Variants in TMEM132D observed in about 807,000 individuals in gnomAD.
The protein encoded by TMEM132D is transmembrane protein 132D, also known as mature OL transmembrane protein.
In TMEM132D, 21 loss-of-function variants were observed where a neutral mutation model predicts 62.3. The observed-to-expected ratio is 0.34, with a 90% confidence interval of 0.24 to 0.49. The LOEUF (loss-of-function observed/expected upper bound fraction) is 0.49, where lower values mean the gene tolerates loss of function less well. TMEM132D is among the 20% of genes least tolerant of loss of function. The pLI is 0.99. For missense variants in TMEM132D, 1,346 were observed against 1,402.8 expected, an observed-to-expected ratio of 0.96 and a Z score of 0.65; for synonymous variants, 621 against 575.6, an observed-to-expected ratio of 1.08 and a Z score of -1.13.
At chr12:129,761,102 G>T (rs1337987488) in intron 1 of TMEM132D, among the ~76,000 whole-genome samples, 1 of 152,068 alleles carries the variant, frequency 6.6e-6, no homozygotes, top group African/African-American at 2.4e-5. Context: ...GAACTGGAGA[G>T]ATCAGAAATG....
intron 3 of TMEM132D, among the ~76,000 whole-genome samples, chr12:129,366,558 C>T (rs1448552976): frequency 1.3e-5 from 2 of 152,212 alleles, no homozygotes; most frequent in African/African-American, 4.8e-5. Flanking sequence ...AATTAAACCT[C>T]TTTTCTGTAT....
At chr12:129,398,595 T>A (rs1239541829) in intron 3 of TMEM132D, among the ~76,000 whole-genome samples, 1 of 152,312 alleles carries the variant, frequency 6.6e-6, no homozygotes, top group Non-Finnish European at 1.5e-5. Flanking sequence ...GGGTTGGCTA[T>A]GCATGATGAG....
At chr12:129,084,445 A>T in intron 6 of TMEM132D, 52 bp downstream of exon 6, 1 of 1,522,218 alleles carries the variant, frequency 6.6e-7, no homozygotes, top group Non-Finnish European at 8.8e-7. Flanking sequence ...CAAATTTACC[A>T]CCCCGTACAC....
intron 4 of TMEM132D, among the ~76,000 whole-genome samples, chr12:129,298,426 G>A (rs1272931672): frequency 6.6e-6 from 1 of 152,116 alleles, no homozygotes; most frequent in Non-Finnish European, 1.5e-5. Flanking sequence ...GAGTGTTTAA[G>A]CATATCCATC....
rs11833486 is a variant in TMEM132D, at chr12:129,719,235, G to A, written c.80-18537C>T. The stretch of plus-strand genomic sequence containing the variant: ...GATCGCACGACTACACTACAGCCTG[G>A]GTGACAGAGTGAGACCCTGTCTCAA... On this transcript the variant is annotated intron_variant, in intron 1 of 8. Coordinates refer to ENST00000422113, the MANE Select transcript of TMEM132D (RefSeq NM_133448.3). Among the ~76,000 whole-genome samples the A allele has an allele frequency of 6.1e-3, 927 of 152,114 alleles. 9 individuals are homozygous for A. Among genetic ancestry groups the A allele is most frequent in the African/African-American group, 0.021 (882 of 41,494 alleles).
intron 3 of TMEM132D, among the ~76,000 whole-genome samples, chr12:129,456,317 C>A (rs952671682): frequency 1.3e-5 from 2 of 152,124 alleles, no homozygotes; most frequent in African/African-American, 4.8e-5. Context: ...CTGTTACCAC[C>A]AATTTTATCA....
At chr12:129,689,458 A>C (rs1881011085) in intron 2 of TMEM132D, among the ~76,000 whole-genome samples, 1 of 152,176 alleles carries the variant, frequency 6.6e-6, no homozygotes, top group Non-Finnish European at 1.5e-5. Flanking sequence ...AGTGAACACA[A>C]GCATGTCATG....
chr12:129,597,747 T>C (rs1050484833), intron 2 of TMEM132D, among the ~76,000 whole-genome samples: 2 of 152,330 alleles, frequency 1.3e-5, no homozygotes, highest in Non-Finnish European at 2.9e-5. Flanking sequence ...TGTAGGTACA[T>C]TGGTTGAAGT....
chr12:129,451,153 C>T (rs554992334), intron 3 of TMEM132D, among the ~76,000 whole-genome samples: 4 of 150,542 alleles, frequency 2.7e-5, no homozygotes, highest in Admixed American at 6.6e-5. Flanking sequence ...GACGGTGCTG[C>T]CCTCTCAGAA....
At chr12:129,466,969 C>T (rs989555964) in intron 3 of TMEM132D, among the ~76,000 whole-genome samples, 2 of 152,152 alleles carry the variant, frequency 1.3e-5, no homozygotes, top group African/African-American at 2.4e-5. Context: ...TACATCTCCC[C>T]TTTTGGTTGG....
At chr12:129,255,615 A>T (rs922001788) in intron 4 of TMEM132D, among the ~76,000 whole-genome samples, 2 of 152,198 alleles carry the variant, frequency 1.3e-5, no homozygotes, top group African/African-American at 4.8e-5. Flanking sequence ...TATTTTGTTT[A>T]TCTGTGTTTA....
intron 5 of TMEM132D, among the ~76,000 whole-genome samples, chr12:129,092,843 C>G (rs936484578): frequency 6.6e-6 from 1 of 152,184 alleles, no homozygotes; most frequent in East Asian, 1.9e-4. Flanking sequence ...GGTACCCTTA[C>G]CCCCATTTGC....
At chr12:129,236,030 T>C (rs963216711) in intron 4 of TMEM132D, among the ~76,000 whole-genome samples, 5 of 152,206 alleles carry the variant, frequency 3.3e-5, no homozygotes, top group Admixed American at 3.3e-4. Flanking sequence ...CTCTCAAATA[T>C]GTGTTACAGT....
intron 1 of TMEM132D, among the ~76,000 whole-genome samples, chr12:129,895,527 C>T (rs891649335): frequency 1.1e-4 from 16 of 152,338 alleles, no homozygotes; most frequent in South Asian, 2.1e-4. Flanking sequence ...AAGGCCTCCT[C>T]GGGCCAATTG....
At chr12:129,590,594 A>G (rs1017819135) in intron 2 of TMEM132D, among the ~76,000 whole-genome samples, 1 of 152,198 alleles carries the variant, frequency 6.6e-6, no homozygotes, top group Non-Finnish European at 1.5e-5. Flanking sequence ...AAGGGTGAGA[A>G]GATCGCTCAG....
chr12:129,281,885 C>T (rs1177463980), intron 4 of TMEM132D, among the ~76,000 whole-genome samples: 1 of 152,166 alleles, frequency 6.6e-6, no homozygotes, highest in African/African-American at 2.4e-5. Context: ...AAACAAAAGA[C>T]CAGGTGTCTT....
At chr12:129,376,474 C>A (rs1370249303) in intron 3 of TMEM132D, among the ~76,000 whole-genome samples, 1 of 152,128 alleles carries the variant, frequency 6.6e-6, no homozygotes, top group Non-Finnish European at 1.5e-5. Context: ...TCCCATGATT[C>A]AATTACCTCC....
rs1166869409 is a variant in TMEM132D, at chr12:129,342,321, G to A, written c.1116-4504C>T. On this transcript the variant is annotated intron_variant, in intron 3 of 8. Transcript: ENST00000422113. ...GAGAACCTGATAAAAACAAGCAATG[G>A]GGAAAGGATTCCCTATTTAATAAAT... Among the ~76,000 whole-genome samples, 5 of 152,252 alleles carry A rather than the reference G, an allele frequency of 3.3e-5. No individual in the cohort carries two copies. In the East Asian group the frequency reaches 7.7e-4, roughly 24 times the overall value.
rs1485178362 is a variant in TMEM132D, at chr12:129,269,516, T to C, written c.1300-59853A>G. ...CTGGCTTAGAATGGTGCTTGGCACA[T>C]AGACGCTCAATAAGTCTTGGATGAA... On this transcript the variant is annotated intron_variant, in intron 4 of 8. Transcript: ENST00000422113. 2.0e-5 allele frequency among the ~76,000 whole-genome samples: 3 copies of C among 152,172 alleles called. No homozygotes were observed. The East Asian group carries it at 5.8e-4, about 29-fold the overall frequency.
Sources: gnomAD v4.1 joint callset for allele counts (sites outside exome capture counted in the v4.1 genomes callset) on GRCh38, gnomAD v4.1.1 for gene constraint, MANE v1.5 for transcripts, NCBI Gene and HGNC (gene_info 2026-07-23, HGNC 2026-07-21) for gene names.